The following SYNPR variants were observed in gnomAD, a reference collection of about 807,000 sequenced individuals.
SYNPR encodes the protein synaptoporin.
SYNPR carries 23 observed loss-of-function variants against 32.9 expected under a neutral mutation model. The observed-to-expected ratio is 0.70, with a 90% CI of 0.50 to 0.99. The LOEUF (loss-of-function observed/expected upper bound fraction) is 0.99, where lower values mean the gene tolerates loss of function less well. Ranked by LOEUF, SYNPR falls within the 50% of genes least tolerant of loss-of-function variation. SYNPR has a pLI of 0.00. For missense variants in SYNPR, 318 were observed against 349.3 expected (o/e 0.91, Z 0.71); for synonymous variants, 146 against 135.9 (o/e 1.07, Z -0.52).
At chr3:63,369,454 T>A (rs1479315362) in intron 2 of SYNPR, among the ~76,000 whole-genome samples, 7 of 152,202 alleles carry the variant, frequency 4.6e-5, no homozygotes, top group Non-Finnish European at 1.0e-4. Context: ...AAAAACAACA[T>A]AAAATCAATT....
intron 2 of SYNPR, among the ~76,000 whole-genome samples, chr3:63,431,799 G>A (rs1361113847): frequency 6.7e-6 from 1 of 149,618 alleles, no homozygotes; most frequent in African/African-American, 2.4e-5. Context: ...TCTTTCCTTG[G>A]AGTCCTCATT....
At chr3:63,349,384 G>A (rs551106765) in intron 2 of SYNPR, among the ~76,000 whole-genome samples, 1 of 152,300 alleles carries the variant, frequency 6.6e-6, no homozygotes, top group South Asian at 2.1e-4. Flanking sequence ...ACAGGCGCGA[G>A]CCACCGCGCC....
intron 2 of SYNPR, among the ~76,000 whole-genome samples, chr3:63,387,127 C>T (rs2088056397): frequency 6.6e-6 from 1 of 152,166 alleles, no homozygotes; most frequent in Admixed American, 6.5e-5. Flanking sequence ...AATGTTTATG[C>T]TCACATAATG....
At chr3:63,534,255 G>A (rs1168564838) in intron 3 of SYNPR, among the ~76,000 whole-genome samples, 1 of 152,096 alleles carries the variant, frequency 6.6e-6, no homozygotes. Context: ...TCTGAAACTG[G>A]AGTTGATGAG....
chr3:63,561,179 T>C (rs1331997984), intron 4 of SYNPR, among the ~76,000 whole-genome samples: 2 of 152,182 alleles, frequency 1.3e-5, no homozygotes, highest in Admixed American at 1.3e-4. Context: ...CTCTGGGACA[T>C]GACATTATAC....
At chr3:63,476,219 A>AAGG (rs1255467929) in intron 2 of SYNPR, among the ~76,000 whole-genome samples, 2 of 64,284 alleles carry the variant, frequency 3.1e-5, no homozygotes, top group Non-Finnish European at 2.9e-5. Context: ...GGAAGGAGGG[A>AAGG]AGGGAAGGGA....
At chr3:63,462,154 TC>T (rs1202257604) in intron 2 of SYNPR, among the ~76,000 whole-genome samples, 4 of 152,006 alleles carry the variant, frequency 2.6e-5, no homozygotes, top group African/African-American at 9.7e-5. Flanking sequence ...TTCATCTATG[TC>T]TAACTCTTTT....
chr3:63,277,340 T>A (rs1188157544), upstream of SYNPR, among the ~76,000 whole-genome samples: 1 of 152,166 alleles, frequency 6.6e-6, no homozygotes, highest in Non-Finnish European at 1.5e-5. Flanking sequence ...AAGAACTCAC[T>A]TGTTTGGTTG....
intron 4 of SYNPR, among the ~76,000 whole-genome samples, chr3:63,574,662 C>T (rs1336179481): frequency 1.3e-5 from 2 of 152,168 alleles, no homozygotes; most frequent in African/African-American, 4.8e-5. Context: ...ATATCAGCCT[C>T]TACCACCATA....
intron 3 of SYNPR, among the ~76,000 whole-genome samples, chr3:63,485,231 AG>A (rs1324105411): frequency 2.0e-5 from 3 of 152,142 alleles, no homozygotes; most frequent in Non-Finnish European, 2.9e-5. Flanking sequence ...AATGAATGAA[AG>A]GGGTCACTGA....
intron 3 of SYNPR, among the ~76,000 whole-genome samples, chr3:63,525,198 T>C (rs747945733): frequency 2.0e-5 from 3 of 152,176 alleles, no homozygotes; most frequent in African/African-American, 4.8e-5. Context: ...AAAATACTAG[T>C]TTTCATGTGA....
At chr3:63,423,037 G>A (rs1329814972) in intron 2 of SYNPR, among the ~76,000 whole-genome samples, 1 of 152,112 alleles carries the variant, frequency 6.6e-6, no homozygotes, top group Admixed American at 6.5e-5. Flanking sequence ...ATTGCAGATC[G>A]ATTGTTCATT....
At chr3:63,338,172 A>C (rs2106996330) in intron 2 of SYNPR, among the ~76,000 whole-genome samples, 1 of 152,284 alleles carries the variant, frequency 6.6e-6, no homozygotes, top group South Asian at 2.1e-4. Context: ...GTAAGTCTAA[A>C]ACTGCTCTAA....
chr3:63,367,136 C>A (rs988139638), intron 2 of SYNPR, among the ~76,000 whole-genome samples: 3 of 152,094 alleles, frequency 2.0e-5, no homozygotes, highest in Admixed American at 2.0e-4. Context: ...GTTACAAACT[C>A]CCCAGCAAAT....
At position 63,609,184 on chromosome 3, in the gene SYNPR, A is replaced by G; in HGVS notation, c.468A>G (p.Ala156=). Residue 156 remains alanine (A), a synonymous_variant, in exon 5 of 6, where the codon GCA becomes GCG. Coordinates refer to ENST00000478300, the MANE Select transcript of SYNPR (RefSeq NM_001130003.2). ...GGTTGGTGGGTTCATCAGCTTGGGC[A>G]AAAGGACTGTCTGACGTCAAAGTTG... The part of the protein sequence containing the change: ...FLWLVGSSAW[A]KGLSDVKVAT... 6.2e-7 allele frequency: 1 copy of G among 1,611,536 alleles called. No homozygotes were observed. Among genetic ancestry groups the G allele is most frequent in the Non-Finnish European group, 8.5e-7 (1 of 1,178,838 alleles).
intron 2 of SYNPR, among the ~76,000 whole-genome samples, chr3:63,369,443 C>A (rs868333322): frequency 1.3e-4 from 20 of 152,300 alleles, no homozygotes; most frequent in Middle Eastern, 3.4e-3. Flanking sequence ...TATGTACCTG[C>A]AAAAACAACA....
intron 4 of SYNPR, among the ~76,000 whole-genome samples, chr3:63,585,180 T>C (rs1489514782): frequency 1.3e-5 from 2 of 152,198 alleles, no homozygotes; most frequent in Admixed American, 6.5e-5. Context: ...AGTTATATAT[T>C]GGAAATATGA....
chr3:63,270,478 C>T (rs557972240), intron 3 of SYNPR, among the ~76,000 whole-genome samples: 105 of 152,234 alleles, frequency 6.9e-4, no homozygotes, highest in African/African-American at 2.4e-3. Flanking sequence ...GAACCAGTTC[C>T]CTAATATTTA....
chr3:63,442,193 A>G (rs1047360226), intron 2 of SYNPR, among the ~76,000 whole-genome samples: 1 of 129,646 alleles, frequency 7.7e-6, no homozygotes, highest in Non-Finnish European at 1.7e-5. Flanking sequence ...GTGTGCACGC[A>G]TGAAAGAGAG....
Sources: gnomAD v4.1 joint callset for allele counts (sites outside exome capture counted in the v4.1 genomes callset) on GRCh38, gnomAD v4.1.1 for gene constraint, MANE v1.5 for transcripts, NCBI Gene and HGNC (gene_info 2026-07-23, HGNC 2026-07-21) for gene names.